Variants in PHF21A observed in about 807,000 individuals in gnomAD.
PHF21A encodes PHD finger protein 21A, also known as BHC80a.
In PHF21A, 11 loss-of-function variants were observed where a neutral mutation model predicts 82.5. The observed-to-expected ratio is 0.13, with a 90% CI of 0.08 to 0.22. PHF21A has a LOEUF of 0.22. Ranked by LOEUF, PHF21A falls within the 10% of genes least tolerant of loss-of-function variation. PHF21A has a pLI of 1.00. For missense variants in PHF21A, 579 were observed against 837.8 expected (o/e 0.69, Z 3.81); for synonymous variants, 297 against 302.8 (o/e 0.98, Z 0.20).
intron 6 of PHF21A, among the ~76,000 whole-genome samples, chr11:46,056,946 G>A (rs1007111318): frequency 4.6e-5 from 7 of 151,490 alleles, no homozygotes; most frequent in African/African-American, 1.7e-4. Context: ...AACTAATCAA[G>A]TACCTCAGCT....
intron 6 of PHF21A, among the ~76,000 whole-genome samples, chr11:46,034,001 T>C (rs1194522102): frequency 6.6e-6 from 1 of 152,366 alleles, no homozygotes; most frequent in East Asian, 1.9e-4. Context: ...ATAAGGTTTC[T>C]TGCTGCTTAT....
At chr11:45,968,805 A>C (rs932567735) in intron 9 of PHF21A, among the ~76,000 whole-genome samples, 4 of 151,814 alleles carry the variant, frequency 2.6e-5, no homozygotes, top group Non-Finnish European at 4.4e-5. Context: ...TGGCACATGC[A>C]TGTAATCCCC....
intron 3 of PHF21A, among the ~76,000 whole-genome samples, chr11:46,087,709 GGT>G (rs1489494452): frequency 1.3e-5 from 2 of 152,032 alleles, no homozygotes; most frequent in African/African-American, 4.8e-5. Context: ...GTAGAGAAGG[GGT>G]CTCATATGTT....
chr11:45,992,463 C>A (rs1025964776), intron 6 of PHF21A, among the ~76,000 whole-genome samples: 3 of 152,162 alleles, frequency 2.0e-5, no homozygotes, highest in African/African-American at 7.2e-5. Context: ...TGGCGTGAAC[C>A]CAGGAGGCAG....
At chr11:46,088,568 A>C (rs2096883936) in intron 3 of PHF21A, among the ~76,000 whole-genome samples, 1 of 152,110 alleles carries the variant, frequency 6.6e-6, no homozygotes. Flanking sequence ...CTACTTACTC[A>C]CTGTGTGACT....
intron 6 of PHF21A, among the ~76,000 whole-genome samples, chr11:46,026,648 T>G (rs987480713): frequency 6.6e-6 from 1 of 152,142 alleles, no homozygotes; most frequent in African/African-American, 2.4e-5. Flanking sequence ...AAAAAAATCC[T>G]TTAAAGTCAA....
intron 7 of PHF21A, among the ~76,000 whole-genome samples, chr11:45,972,685 G>A (rs1388556103): frequency 2.0e-5 from 3 of 151,834 alleles, no homozygotes; most frequent in Admixed American, 6.6e-5. Context: ...AGGCCGATGC[G>A]GGTGGATTGC....
chr11:46,112,597 A>C (rs937094246), intron 1 of PHF21A, among the ~76,000 whole-genome samples: 2 of 152,252 alleles, frequency 1.3e-5, no homozygotes, highest in African/African-American at 4.8e-5. Context: ...TTCAAGTATT[A>C]AATTTACACT....
At chr11:46,024,843 G>A (rs2095708004) in intron 6 of PHF21A, among the ~76,000 whole-genome samples, 3 of 152,108 alleles carry the variant, frequency 2.0e-5, no homozygotes, top group Non-Finnish European at 2.9e-5. Flanking sequence ...ACTTCTTTAA[G>A]AATAAACCTG....
chr11:46,028,567 T>C (rs1003606989), intron 6 of PHF21A, among the ~76,000 whole-genome samples: 1 of 147,126 alleles, frequency 6.8e-6, no homozygotes, highest in Non-Finnish European at 1.5e-5. Context: ...CTTTAAAAGC[T>C]TGCCTTTTTT....
intron 6 of PHF21A, among the ~76,000 whole-genome samples, chr11:46,031,991 A>C (rs2095875303): frequency 6.6e-6 from 1 of 152,202 alleles, no homozygotes; most frequent in Non-Finnish European, 1.5e-5. Flanking sequence ...CACTAACATG[A>C]AAACCACAGC....
At chr11:45,953,475 G>A in intron 11 of PHF21A, 52 bp downstream of exon 11, 2 of 1,123,144 alleles carry the variant, frequency 1.8e-6, no homozygotes. Context: ...TGGTACATGA[G>A]AATAAACCAT....
intron 16 of PHF21A, 74 bp downstream of exon 16, chr11:45,938,083 G>T: frequency 7.7e-7 from 1 of 1,305,676 alleles, no homozygotes; most frequent in Non-Finnish European, 1.0e-6. Flanking sequence ...CCATTTCCCC[G>T]GGAAAGGAAT....
chr11:45,962,631 C>A (rs2093166220), intron 10 of PHF21A, among the ~76,000 whole-genome samples: 1 of 145,926 alleles, frequency 6.9e-6, no homozygotes, highest in Admixed American at 7.0e-5. Context: ...GTGGCTCATG[C>A]CTGTAATCCC....
intron 4 of PHF21A, among the ~76,000 whole-genome samples, chr11:46,083,234 T>G (rs1375367631): frequency 6.6e-6 from 1 of 151,932 alleles, no homozygotes; most frequent in African/African-American, 2.4e-5. Context: ...GGGCCAACTC[T>G]GCAGCGGAAC....
At chr11:45,960,605 TAACAGAA>T (rs1364307718) in intron 10 of PHF21A, among the ~76,000 whole-genome samples, 1 of 152,200 alleles carries the variant, frequency 6.6e-6, no homozygotes, top group Non-Finnish European at 1.5e-5. Context: ...TTGTGTAACT[TAACAGAA>T]GTGATGGTTG....
Position 45,965,356 on chromosome 11 carries a change from G to T in PHF21A, c.955C>A (p.Pro319Thr). 1.2e-6 allele frequency: 2 copies of T among 1,613,944 alleles called. No individual in the cohort carries two copies. Among genetic ancestry groups the T allele is most frequent in the Non-Finnish European group, 1.7e-6 (2 of 1,179,976 alleles). Residue 319 changes from proline to threonine, a missense_variant, in exon 10 of 19, where the codon CCT (proline) becomes ACT (threonine). Pro to Thr is a conservative substitution (Grantham distance 38). Transcript: ENST00000676320. Reference sequence around the variant, plus strand: ...GGCTTGCTAAGCTGTACAGTTTGAGGTCCAGCGAGTCTGGTCCCTGGAGTA... The same window carrying T: ...GGCTTGCTAAGCTGTACAGTTTGAGTTCCAGCGAGTCTGGTCCCTGGAGTA... ...IATPGTRLAG[P>T]QTVQLSKPSL...
chr11:46,105,377 C>G (rs951840712), intron 1 of PHF21A, among the ~76,000 whole-genome samples: 1 of 152,108 alleles, frequency 6.6e-6, no homozygotes. Context: ...TACAGGCACA[C>G]AGGACATGCC....
chr11:46,044,721 G>A (rs537365406), intron 6 of PHF21A, among the ~76,000 whole-genome samples: 15 of 151,840 alleles, frequency 9.9e-5, no homozygotes, highest in Non-Finnish European at 1.8e-4. Flanking sequence ...TTCCTTTTAA[G>A]GAAAAAAAAA....
Sources: allele counts gnomAD v4.1 joint callset (sites outside exome capture counted in the v4.1 genomes callset), GRCh38; gene constraint gnomAD v4.1.1; transcripts MANE v1.5; gene names NCBI Gene and HGNC (gene_info 2026-07-23, HGNC 2026-07-21).